The following FAF2 variants were observed in gnomAD, a reference collection of about 807,000 sequenced individuals.
FAF2 encodes FAS-associated factor 2.
In FAF2, 9 loss-of-function variants were observed where a neutral mutation model predicts 62.3. The observed-to-expected ratio is 0.14, with a 90% confidence interval of 0.09 to 0.25. FAF2 has a LOEUF of 0.25. Ranked by LOEUF, FAF2 falls within the 10% of genes least tolerant of loss-of-function variation. FAF2 has a pLI of 1.00. For missense variants in FAF2, 368 were observed against 556.2 expected, an observed-to-expected ratio of 0.66 and a Z score of 3.40; for synonymous variants, 202 against 198.0, an observed-to-expected ratio of 1.02 and a Z score of -0.17.
rs71591837 is a variant in FAF2, at chr5:176,451,892, A to T, written c.63+3422A>T. Among the ~76,000 whole-genome samples, 55 of 21,676 alleles carry T rather than the reference A, an allele frequency of 2.5e-3. 2 individuals are homozygous for T. Among genetic ancestry groups the T allele is most frequent in the South Asian group, 0.011 (7 of 634 alleles). The allele number at this position is 21,676 out of a possible 152,430, so 14.2% of individuals were successfully genotyped here. ...TATACACACATATATATATATATAT[A>T]TTTTTTTTTTTTTTTTTTTTTTTTT... On this transcript the variant is annotated intron_variant, in intron 1 of 10. Coordinates refer to ENST00000261942, the MANE Select transcript of FAF2 (RefSeq NM_014613.3).
In FAF2 at chr5:176,486,453, G is replaced by A; in HGVS notation, c.231G>A (p.Arg77=). Reference sequence around the variant, plus strand: ...TGCAGGTTAATACAGCTGACCACAGGATCTACAGCTATGTTGTCTCAAGAC... The same window carrying A: ...TGCAGGTTAATACAGCTGACCACAGAATCTACAGCTATGTTGTCTCAAGAC... The part of the protein sequence containing the change: ...RPLQVNTADH[R]IYSYVVSRPQ... Residue 77 remains arginine, a synonymous_variant, in exon 3 of 11, where the codon AGG becomes AGA. Coordinates refer to ENST00000261942, the MANE Select transcript of FAF2 (RefSeq NM_014613.3). 1.2e-6 allele frequency: 2 copies of A among 1,614,108 alleles called. No homozygotes were observed. Among genetic ancestry groups the A allele is most frequent in the Non-Finnish European group, 1.7e-6 (2 of 1,179,994 alleles).
At chr5:176,465,662 C>T (rs565007027) in intron 1 of FAF2, among the ~76,000 whole-genome samples, 5 of 152,292 alleles carry the variant, frequency 3.3e-5, no homozygotes, top group Non-Finnish European at 5.9e-5. Context: ...CCACCATGCC[C>T]AGCCCAGAAA....
At chr5:176,502,082 A>C (rs1755601397) in intron 10 of FAF2, among the ~76,000 whole-genome samples, 1 of 151,890 alleles carries the variant, frequency 6.6e-6, no homozygotes, top group Non-Finnish European at 1.5e-5. Context: ...TGGATTTTTA[A>C]ATTGAGATAA....
intron 1 of FAF2, among the ~76,000 whole-genome samples, chr5:176,462,543 G>A (rs1454080392): frequency 6.6e-6 from 1 of 151,938 alleles, no homozygotes; most frequent in Admixed American, 6.6e-5. Context: ...AGAATCACTC[G>A]AACCCGGGAG....
chr5:176,452,084 G>A (rs893837216), intron 1 of FAF2, among the ~76,000 whole-genome samples: 4 of 149,884 alleles, frequency 2.7e-5, no homozygotes, highest in South Asian at 2.1e-4. Context: ...TTGAGACGGA[G>A]GCTTGCTCTG....
chr5:176,499,731 C>T (rs982551044), intron 9 of FAF2, among the ~76,000 whole-genome samples: 1 of 151,974 alleles, frequency 6.6e-6, no homozygotes, highest in Non-Finnish European at 1.5e-5. Context: ...TTAAGAAGTC[C>T]TGCTGTGGCC....
At position 176,494,345 on chromosome 5, in the gene FAF2, A is replaced by G. The variant is rs1759024879; in HGVS notation, c.661+70A>G. ...TTGGAATAGTCTGGAAAGACATGCC[A>G]TGCCATTTATTACAAGTGTGTTTGT... On this transcript the variant is annotated intron_variant, in intron 7 of 10. Transcript: ENST00000261942. This position sits in a 1 kb window ranked among gnomAD's most constrained non-coding sequence, Gnocchi z 4.0. The G allele has an allele frequency of 1.6e-6, 2 of 1,253,480 alleles. No homozygotes were observed. The highest frequency in any genetic ancestry group is 1.5e-5 in the African/African-American group (1 of 68,064). The allele number at this position is 1,253,480 out of a possible 1,614,324, so 77.6% of individuals were successfully genotyped here.
chr5:176,471,404 CAG>C (rs1758566964), intron 1 of FAF2, among the ~76,000 whole-genome samples: 1 of 102,310 alleles, frequency 9.8e-6, no homozygotes, highest in Non-Finnish European at 1.8e-5. Context: ...TTTTTTGAGA[CAG>C]AGTTTTGCTC....
intron 2 of FAF2, among the ~76,000 whole-genome samples, chr5:176,484,898 A>G (rs78126027): frequency 6.6e-6 from 1 of 152,046 alleles, no homozygotes; most frequent in African/African-American, 2.4e-5. Flanking sequence ...TCTCAAGAAA[A>G]AAAAAAAAAA....
rs1475280271 is a variant in FAF2, at chr5:176,494,253, A to T, written c.639A>T (p.Thr213=). The T allele has an allele frequency of 1.2e-6, 2 of 1,613,864 alleles. No homozygotes were observed. Among genetic ancestry groups the T allele is most frequent in the Non-Finnish European group, 1.7e-6 (2 of 1,179,900 alleles). The stretch of plus-strand genomic sequence containing the variant: ...GGATGCTCTTCTGGGCATGCTCTAC[A>T]AACAAACCTGAGGGATACAGGGGTA... The part of the protein sequence containing the change: ...NTRMLFWACS[T]NKPEGYRVSQ... The change falls in exon 7 of 11, where the codon ACA becomes ACT. Residue 213 remains threonine, a synonymous_variant. Transcript: ENST00000261942. This position sits in a 1 kb window ranked among gnomAD's most constrained non-coding sequence, Gnocchi z 4.0.
At chr5:176,466,529 T>A (rs1758471862) in intron 1 of FAF2, among the ~76,000 whole-genome samples, 1 of 152,204 alleles carries the variant, frequency 6.6e-6, no homozygotes, top group African/African-American at 2.4e-5. Flanking sequence ...AATGAGGAGA[T>A]TACACCCTGG....
chr5:176,503,881 G>A (rs922657214), intron 10 of FAF2, among the ~76,000 whole-genome samples: 1 of 152,138 alleles, frequency 6.6e-6, no homozygotes, highest in Non-Finnish European at 1.5e-5. Context: ...AAAAATGCCG[G>A]CCGAGTGCGG....
rs555723207 is a variant in FAF2 at position 176,509,852 on chromosome 5, G to A, written c.*2902G>A. ...TGCAAAATCAGGGGCATCATTATCC[G>A]GTGCTTGAACAAGGAGCTCCGCTCT... On this transcript the variant is annotated 3_prime_UTR_variant, in exon 11 of 11. Transcript: ENST00000261942. The A allele has an allele frequency of 2.6e-5, 4 of 152,750 alleles. No homozygotes were observed. The highest frequency in any genetic ancestry group is 3.9e-4 in the East Asian group (2 of 5,188). 9.5% of individuals were successfully genotyped at this position (152,750 alleles called of 1,614,324 possible).
chr5:176,489,697 C>G (rs1581071034), intron 4 of FAF2, among the ~76,000 whole-genome samples: 1 of 152,234 alleles, frequency 6.6e-6, no homozygotes, highest in South Asian at 2.1e-4. Flanking sequence ...GCCACCACGC[C>G]TGGCTAATTT....
intron 5 of FAF2, 93 bp from the exon 6 acceptor site, chr5:176,493,906 T>G: frequency 3.6e-6 from 3 of 835,476 alleles, no homozygotes; most frequent in South Asian, 3.5e-5. Context: ...CTTTTGTTCC[T>G]AAATACATAA....
chr5:176,448,622 C>G (rs951246007), intron 1 of FAF2, 152 bp downstream of exon 1: 5 of 781,280 alleles, frequency 6.4e-6, no homozygotes, highest in Admixed American at 3.0e-5. Context: ...CCTGATTCCC[C>G]CGGCCCCCAA....
Position 176,506,988 on chromosome 5 carries a change from A to C in FAF2, c.*38A>C. ...CCTGTCCCCTCCTACCCCAGTCCCTAAAAGAAATGGGGAAAAAAGAAAACA... is the reference window on the plus strand; with the variant it reads ...CCTGTCCCCTCCTACCCCAGTCCCTCAAAGAAATGGGGAAAAAAGAAAACA... On this transcript the variant is annotated 3_prime_UTR_variant, in exon 11 of 11. Coordinates refer to ENST00000261942, the MANE Select transcript of FAF2 (RefSeq NM_014613.3). 7.4e-7 allele frequency: 1 copy of C among 1,349,050 alleles called. No individual in the cohort carries two copies. The highest frequency in any genetic ancestry group is 2.8e-5 in the Admixed American group (1 of 35,130). The allele number at this position is 1,349,050 out of a possible 1,614,324, so 83.6% of individuals were successfully genotyped here. A position where few individuals can be genotyped will look rare whatever the true frequency, so the allele number is the denominator to read the frequency against.
chr5:176,505,275 C>T (rs1464904219), intron 10 of FAF2, among the ~76,000 whole-genome samples: 2 of 152,142 alleles, frequency 1.3e-5, no homozygotes, highest in African/African-American at 4.8e-5. Flanking sequence ...AGAGCAGGGA[C>T]AGGGAGAGAT....
At chr5:176,473,813 A>G (rs963701286) in intron 1 of FAF2, among the ~76,000 whole-genome samples, 7 of 152,184 alleles carry the variant, frequency 4.6e-5, no homozygotes, top group Admixed American at 1.3e-4. Context: ...TGTGTTGCCC[A>G]GGCTAGTATT....
Sources: allele counts gnomAD v4.1 joint callset (sites outside exome capture counted in the v4.1 genomes callset), GRCh38; gene constraint gnomAD v4.1.1; non-coding constraint Gnocchi (gnomAD v3.1); transcripts MANE v1.5; gene names NCBI Gene and HGNC (gene_info 2026-07-23, HGNC 2026-07-21).